Variants in CCDC88A observed in about 807,000 individuals in gnomAD.
CCDC88A encodes the protein girdin.
CCDC88A carries 54 observed loss-of-function variants against 234.3 expected under a neutral mutation model. The ratio of observed to expected loss-of-function variants is 0.23; its 90% CI spans 0.19 to 0.29. The LOEUF (loss-of-function observed/expected upper bound fraction) is 0.29, where lower values mean the gene tolerates loss of function less well. CCDC88A is among the 10% of genes least tolerant of loss of function. The pLI is 1.00. For missense variants in CCDC88A, 1,832 were observed against 2,123.4 expected, an observed-to-expected ratio of 0.86 and a Z score of 2.70; for synonymous variants, 753 against 737.8, an observed-to-expected ratio of 1.02 and a Z score of -0.33.
chr2:55,401,274 C>G (rs1224471329), intron 2 of CCDC88A, among the ~76,000 whole-genome samples: 1 of 150,292 alleles, frequency 6.7e-6, no homozygotes, highest in Non-Finnish European at 1.5e-5. Flanking sequence ...TACAAAAAAA[C>G]AAAATTTTAA....
chr2:55,392,557 C>A (rs1269256866), intron 2 of CCDC88A, among the ~76,000 whole-genome samples: 4 of 152,120 alleles, frequency 2.6e-5, no homozygotes, highest in African/African-American at 9.7e-5. Flanking sequence ...TTCCTAGATG[C>A]TTACAGTTTT....
At chr2:55,296,142 T>A (rs148404662) in intron 30 of CCDC88A, 86 bp from the exon 31 acceptor site, 4 of 1,329,446 alleles carry the variant, frequency 3.0e-6, no homozygotes, top group Non-Finnish European at 4.1e-6. Flanking sequence ...CAATATAAAA[T>A]TGTGGTACCT....
intron 13 of CCDC88A, among the ~76,000 whole-genome samples, chr2:55,338,645 T>C (rs1668087715): frequency 1.3e-5 from 2 of 152,146 alleles, no homozygotes; most frequent in African/African-American, 2.4e-5. Context: ...TGTCTCCAGG[T>C]CTGGGACAGA....
intron 15 of CCDC88A, among the ~76,000 whole-genome samples, chr2:55,333,867 C>T (rs1685209369): frequency 6.6e-6 from 1 of 151,698 alleles, no homozygotes; most frequent in Admixed American, 6.6e-5. Context: ...AGTCAGATAC[C>T]ACTAGGAAAC....
At chr2:55,380,909 C>T (rs577519483) in intron 3 of CCDC88A, among the ~76,000 whole-genome samples, 6 of 152,198 alleles carry the variant, frequency 3.9e-5, no homozygotes, top group Non-Finnish European at 8.8e-5. Context: ...AGCCACTGGG[C>T]CCAGCCAACC....
chr2:55,394,763 C>G (rs1226393538), intron 2 of CCDC88A: 1 of 149,840 alleles, frequency 6.7e-6, no homozygotes, highest in Non-Finnish European at 1.5e-5. Context: ...ACATATGTAA[C>G]AAACCTGCAT....
intron 9 of CCDC88A, chr2:55,348,721 G>A (rs1329428579): frequency 6.6e-6 from 1 of 152,196 alleles, no homozygotes; most frequent in Non-Finnish European, 1.5e-5. Context: ...AACCTTTAGA[G>A]AAAACTACTG....
At chr2:55,386,591 C>T in intron 3 of CCDC88A, among the ~76,000 whole-genome samples, 1 of 151,218 alleles carries the variant, frequency 6.6e-6, no homozygotes. Flanking sequence ...CATGCCTCAG[C>T]CTCCTGAGTA....
At position 55,367,528 on chromosome 2, in the gene CCDC88A, G is replaced by GTTTTTT; in HGVS notation, c.403-3501_403-3496dup. On this transcript the variant is annotated intron_variant, in intron 5 of 32. Coordinates refer to ENST00000436346, the MANE Select transcript of CCDC88A (RefSeq NM_001365480.1). ...TTGCTAGAAATTGTTTTATTTCCTT[G>GTTTTTT]TTTTTTTTTAAGAGACTGGGTCTTG... 9.0e-5 allele frequency among the ~76,000 whole-genome samples: 9 copies of GTTTTTT among 99,878 alleles called. 3 individuals are homozygous for GTTTTTT. The highest frequency in any genetic ancestry group is 6.8e-4 in the South Asian group (2 of 2,946). The allele number at this position is 99,878 out of a possible 152,430, so 65.5% of individuals were successfully genotyped here.
chr2:55,304,555 A>G (rs1681304241), intron 25 of CCDC88A, among the ~76,000 whole-genome samples: 2 of 152,190 alleles, frequency 1.3e-5, no homozygotes. Flanking sequence ...AGCATTAGCA[A>G]TAAGCTCCGA....
At chr2:55,379,644 G>C (rs1331495099) in intron 3 of CCDC88A, among the ~76,000 whole-genome samples, 3 of 152,180 alleles carry the variant, frequency 2.0e-5, no homozygotes, top group Non-Finnish European at 4.4e-5. Flanking sequence ...ATAAAGCAGA[G>C]GGGCTGGGCA....
At position 55,364,070 on chromosome 2, in the gene CCDC88A, T is replaced by C. The variant is rs72924916; in HGVS notation, c.403-37A>G. ...GAATAAAATAGTTATTCATACTTTA[T>C]AGGGTATGGTCCTTAAAATGTTATA... On this transcript the variant is annotated intron_variant, in intron 5 of 32. Coordinates refer to ENST00000436346, the MANE Select transcript of CCDC88A (RefSeq NM_001365480.1). 1.6e-3 allele frequency: 1,619 copies of C among 1,002,928 alleles called. 21 individuals carry two copies. The African/African-American group carries it at 0.023, about 14-fold the overall frequency. The allele number at this position is 1,002,928 out of a possible 1,614,324, so 62.1% of individuals were successfully genotyped here. A position where few individuals can be genotyped will look rare whatever the true frequency, so the allele number is the denominator to read the frequency against.
chr2:55,359,190 C>T (rs972233475), intron 7 of CCDC88A, among the ~76,000 whole-genome samples: 3 of 151,994 alleles, frequency 2.0e-5, no homozygotes, highest in South Asian at 4.2e-4. Context: ...TTTTATCTAG[C>T]ATAGTATTTT....
At chr2:55,306,472 T>C (rs1356119961) in intron 25 of CCDC88A, among the ~76,000 whole-genome samples, 2 of 152,152 alleles carry the variant, frequency 1.3e-5, no homozygotes. Flanking sequence ...TGTGTGTATA[T>C]GTACATATAT....
At chr2:55,339,838 CT>C in intron 12 of CCDC88A, 190 bp from the exon 13 acceptor site, 22 of 489,350 alleles carry the variant, frequency 4.5e-5, no homozygotes, top group South Asian at 8.1e-5. Flanking sequence ...TTCTTTTTTT[CT>C]TTTTTTTAAA....
intron 7 of CCDC88A, among the ~76,000 whole-genome samples, chr2:55,359,331 T>C (rs1225710832): frequency 6.6e-6 from 1 of 152,036 alleles, no homozygotes; most frequent in Non-Finnish European, 1.5e-5. Flanking sequence ...CAAGAGCTTC[T>C]AGAAGTCAAT....
Position 55,309,132 on chromosome 2 carries a change from T to C in CCDC88A, c.4172+30A>G, listed in dbSNP as rs1682005371. The C allele has an allele frequency of 1.0e-5, 15 of 1,448,828 alleles. No homozygotes were observed. Among genetic ancestry groups the C allele is most frequent in the Non-Finnish European group, 1.4e-5 (15 of 1,041,360 alleles). The allele number at this position is 1,448,828 out of a possible 1,614,324, so 89.7% of individuals were successfully genotyped here. A position where few individuals can be genotyped will look rare whatever the true frequency, so the allele number is the denominator to read the frequency against. On this transcript the variant is annotated intron_variant, in intron 24 of 32. Transcript: ENST00000436346. The surrounding 1 kb of genome is among the most constrained non-coding windows in gnomAD (Gnocchi z 5.1). ...AATAACCTAGTGTTTTTTTTCAGAA[T>C]AAGAATTCATAAAATTTGGTTAATG...
At chr2:55,300,409 A>G (rs1402146997) in intron 28 of CCDC88A, 1 of 152,754 alleles carries the variant, frequency 6.5e-6, no homozygotes, top group East Asian at 1.9e-4. Flanking sequence ...CCCTGTTTAC[A>G]TTAAAATTCC....
intron 11 of CCDC88A, 41 bp from the exon 12 acceptor site, chr2:55,343,833 A>G: frequency 6.7e-7 from 1 of 1,501,846 alleles, no homozygotes; most frequent in Non-Finnish European, 9.0e-7. Context: ...AAAAGCTAAG[A>G]AACAGTACAA....
Sources: gnomAD v4.1 joint callset for allele counts (sites outside exome capture counted in the v4.1 genomes callset) on GRCh38, gnomAD v4.1.1 for gene constraint, Gnocchi (gnomAD v3.1) non-coding constraint, MANE v1.5 for transcripts, NCBI Gene and HGNC (gene_info 2026-07-23, HGNC 2026-07-21) for gene names.